Variants in CNTN1 observed in about 807,000 individuals in gnomAD.
The protein encoded by CNTN1 is contactin-1.
In CNTN1, 38 loss-of-function variants were observed where a neutral mutation model predicts 126.4. The ratio of observed to expected loss-of-function variants is 0.30; its 90% CI spans 0.23 to 0.39. The LOEUF (loss-of-function observed/expected upper bound fraction) is 0.39, where lower values mean the gene tolerates loss of function less well. Ranked by LOEUF, CNTN1 falls within the 10% of genes least tolerant of loss-of-function variation. The pLI, the probability that CNTN1 is intolerant of heterozygous loss-of-function variation, is 1.00. For synonymous variants in CNTN1, 413 were observed against 422.6 expected, an observed-to-expected ratio of 0.98 and a Z score of 0.28; for missense variants, 1,009 against 1,248.4, an observed-to-expected ratio of 0.81 and a Z score of 2.89.
intron 19 of CNTN1, among the ~76,000 whole-genome samples, chr12:41,017,332 G>A (rs1186872998): frequency 6.7e-6 from 1 of 149,424 alleles, no homozygotes; most frequent in African/African-American, 2.5e-5. Context: ...AGCACTTTGG[G>A]AGGCGGAGGC....
At chr12:40,830,673 T>C (rs1004720301) in intron 1 of CNTN1, among the ~76,000 whole-genome samples, 1 of 149,180 alleles carries the variant, frequency 6.7e-6, no homozygotes, top group Non-Finnish European at 1.5e-5. Flanking sequence ...TAGAAAGGTG[T>C]AATATTTCTT....
At chr12:40,826,054 C>G (rs138150036) in intron 1 of CNTN1, among the ~76,000 whole-genome samples, 5 of 152,084 alleles carry the variant, frequency 3.3e-5, no homozygotes, top group Non-Finnish European at 5.9e-5. Context: ...AATGCTCTTC[C>G]CAGCCACCTG....
intron 1 of CNTN1, among the ~76,000 whole-genome samples, chr12:40,702,187 C>T (rs1381374138): frequency 4.6e-5 from 7 of 151,968 alleles, no homozygotes; most frequent in Non-Finnish European, 8.8e-5. Context: ...CCTCCCTGCT[C>T]AGCCTCCCAG....
At chr12:41,047,133 C>G (rs1949559502) in intron 23 of CNTN1, among the ~76,000 whole-genome samples, 3 of 152,048 alleles carry the variant, frequency 2.0e-5, no homozygotes, top group Admixed American at 2.0e-4. Flanking sequence ...CATTCACCCT[C>G]TCACCAGCAC....
chr12:40,889,118 C>T (rs143575295), intron 1 of CNTN1, among the ~76,000 whole-genome samples: 10 of 152,320 alleles, frequency 6.6e-5, no homozygotes, highest in Admixed American at 6.5e-4. Context: ...AACCTGCTGC[C>T]TTGGGAAATT....
chr12:41,039,717 G>C (rs1210011483), intron 23 of CNTN1, among the ~76,000 whole-genome samples: 1 of 152,016 alleles, frequency 6.6e-6, no homozygotes, highest in Non-Finnish European at 1.5e-5. Context: ...ATACCAGCCT[G>C]GATGGAGATG....
intron 1 of CNTN1, among the ~76,000 whole-genome samples, chr12:40,870,901 T>C (rs1943464839): frequency 6.6e-6 from 1 of 152,092 alleles, no homozygotes; most frequent in Non-Finnish European, 1.5e-5. Context: ...TTCCATCTTG[T>C]GTTATATAGA....
chr12:40,804,839 T>C (rs1004439319), intron 1 of CNTN1, among the ~76,000 whole-genome samples: 1 of 151,958 alleles, frequency 6.6e-6, no homozygotes, highest in Non-Finnish European at 1.5e-5. Flanking sequence ...TGGAAATGCA[T>C]TATCTCAGTC....
chr12:40,732,970 A>T (rs1942536891), intron 1 of CNTN1, among the ~76,000 whole-genome samples: 1 of 151,928 alleles, frequency 6.6e-6, no homozygotes, highest in Non-Finnish European at 1.5e-5. Context: ...CTGCCTTGTT[A>T]TTTTTACTAG....
chr12:40,928,653 C>T (rs765968477), intron 6 of CNTN1, among the ~76,000 whole-genome samples: 33 of 151,884 alleles, frequency 2.2e-4, no homozygotes, highest in Non-Finnish European at 2.4e-4. Context: ...ATATTCACTG[C>T]CTGTCTTGAT....
chr12:40,972,827 C>T (rs1405331817), intron 15 of CNTN1: 1 of 175,056 alleles, frequency 5.7e-6, no homozygotes, highest in African/African-American at 2.4e-5. Context: ...CCATGTAGTC[C>T]ATACTGAAAT....
chr12:40,901,737 CT>C lies in CNTN1; in HGVS notation c.-76-6619del, dbSNP rs778397258. ...ATTTTATTCTGACAATGGAAGGATA[CT>C]GTTTGTAATCATTTGCAGAAAAGGG... On this transcript the variant is annotated intron_variant, in intron 1 of 23. Coordinates refer to ENST00000551295, the MANE Select transcript of CNTN1 (RefSeq NM_001843.4). Among the ~76,000 whole-genome samples the C allele has an allele frequency of 1.5e-4, 23 of 152,206 alleles. No individual in the cohort carries two copies. The East Asian group carries it at 1.7e-3, about 11-fold the overall frequency.
intron 1 of CNTN1, among the ~76,000 whole-genome samples, chr12:40,708,815 C>T (rs1218422589): frequency 6.6e-6 from 1 of 152,198 alleles, no homozygotes; most frequent in Non-Finnish European, 1.5e-5. Context: ...TCTTCTGTAA[C>T]AGTTTTATCA....
chr12:40,950,480 G>A (rs759920899), intron 14 of CNTN1, among the ~76,000 whole-genome samples: 18 of 152,248 alleles, frequency 1.2e-4, no homozygotes, highest in Non-Finnish European at 2.1e-4. Context: ...AAATTTTGAT[G>A]AGCAGTGGAA....
intron 6 of CNTN1, among the ~76,000 whole-genome samples, chr12:40,924,881 C>CATATATATTTAGTTTATAAACAT (rs1555181596): frequency 1.8e-5 from 2 of 112,126 alleles, no homozygotes; most frequent in South Asian, 3.0e-4. Flanking sequence ...AGTTTATAAA[C>CATATATATTTAGTTTATAAACAT]ATATATATAT....
At chr12:41,035,422 T>G (rs1949235981) in intron 23 of CNTN1, among the ~76,000 whole-genome samples, 1 of 152,192 alleles carries the variant, frequency 6.6e-6, no homozygotes, top group South Asian at 2.1e-4. Context: ...TCTAGTAAAT[T>G]AATTCATTCA....
chr12:40,992,995 G>T, intron 16 of CNTN1, 125 bp from the exon 17 acceptor site: 1 of 791,826 alleles, frequency 1.3e-6, no homozygotes, highest in Non-Finnish European at 2.1e-6. Flanking sequence ...ATTCCTAGTT[G>T]TAGTTTTTAC....
intron 1 of CNTN1, among the ~76,000 whole-genome samples, chr12:40,739,651 G>A (rs1592033186): frequency 6.6e-6 from 1 of 151,994 alleles, no homozygotes; most frequent in Non-Finnish European, 1.5e-5. Context: ...TATCTGTAAT[G>A]TTTTATTTCT....
intron 16 of CNTN1, among the ~76,000 whole-genome samples, chr12:40,985,881 G>A (rs182045537): frequency 3.5e-4 from 53 of 152,020 alleles, no homozygotes; most frequent in Middle Eastern, 3.4e-3. Flanking sequence ...GTGTGTGCAC[G>A]CACGCATGTG....
Sources: allele counts gnomAD v4.1 joint callset (sites outside exome capture counted in the v4.1 genomes callset), GRCh38; gene constraint gnomAD v4.1.1; transcripts MANE v1.5; gene names NCBI Gene and HGNC (gene_info 2026-07-23, HGNC 2026-07-21).